Variants in RTTN observed in about 807,000 individuals in gnomAD.
RTTN encodes rotatin.
In RTTN, 182 loss-of-function variants were observed where a neutral mutation model predicts 269.2. The observed-to-expected ratio is 0.68, with a 90% CI of 0.60 to 0.76. The LOEUF is 0.76. Among genes scored for constraint, RTTN ranks in the 30% least tolerant of loss-of-function variants. The pLI, the probability that RTTN is intolerant of heterozygous loss-of-function variation, is 0.00. For missense variants in RTTN, 2,545 were observed against 2,608.6 expected (o/e 0.98, Z 0.53); for synonymous variants, 1,006 against 963.5 (o/e 1.04, Z -0.82).
Position 70,013,126 on chromosome 18 carries a change from G to C in RTTN, c.6421+4281C>G, listed in dbSNP as rs143155638. Among the ~76,000 whole-genome samples the C allele has an allele frequency of 2.8e-3, 433 of 152,156 alleles. 2 individuals are homozygous for C. The highest frequency in any genetic ancestry group is 1.0e-2 in the African/African-American group (415 of 41,520). ...TGTATCATAACCTACCCAGAACCAA[G>C]CCATGTACATAGCTTGCAGATGCAA... is the stretch of plus-strand genomic sequence containing the variant. On this transcript the variant is annotated intron_variant, in intron 46 of 48. Coordinates refer to ENST00000640769, the MANE Select transcript of RTTN (RefSeq NM_173630.4).
At chr18:70,172,897 A>G (rs1015813501) in intron 11 of RTTN, among the ~76,000 whole-genome samples, 1 of 152,192 alleles carries the variant, frequency 6.6e-6, no homozygotes, top group Non-Finnish European at 1.5e-5. Context: ...AATAGCAAGC[A>G]ATTGTAGCAC....
intron 28 of RTTN, among the ~76,000 whole-genome samples, chr18:70,094,939 G>C (rs974910428): frequency 6.6e-6 from 1 of 151,906 alleles, no homozygotes; most frequent in Non-Finnish European, 1.5e-5. Flanking sequence ...GGAAATCTAA[G>C]TCTCTTTGTA....
At chr18:70,095,374 A>T (rs540858884) in intron 28 of RTTN, among the ~76,000 whole-genome samples, 1 of 152,120 alleles carries the variant, frequency 6.6e-6, no homozygotes, top group Admixed American at 6.5e-5. Context: ...CCATTAGTTG[A>T]CGCAGTTTCT....
Position 70,135,246 on chromosome 18 carries a change from C to G in RTTN, c.2823G>C (p.Val941=). 1 of 1,544,722 alleles carries G rather than the reference C, an allele frequency of 6.5e-7. No individual in the cohort carries two copies. Among genetic ancestry groups the G allele is most frequent in the South Asian group, 1.2e-5 (1 of 82,028 alleles). The change falls in exon 22 of 49, where the codon GTG becomes GTC. Residue 941 remains valine, a synonymous_variant. Transcript: ENST00000640769. ...GACAAAATAGTGCTCCAACTTCAGT[C>G]ACGACACTACAATCTTCATGAAATA... ...SLIFHEDCSV[V]TEVGALFCLL...
chr18:70,099,939 T>C (rs1343089129), intron 28 of RTTN, among the ~76,000 whole-genome samples: 2 of 152,250 alleles, frequency 1.3e-5, no homozygotes, highest in Non-Finnish European at 2.9e-5. Flanking sequence ...CATTGGTCTA[T>C]ATCTCTGTTT....
intron 28 of RTTN, among the ~76,000 whole-genome samples, chr18:70,093,479 A>G (rs887359716): frequency 6.6e-6 from 1 of 152,174 alleles, no homozygotes; most frequent in African/African-American, 2.4e-5. Context: ...ATGTCTCATC[A>G]ATACCTAGTT....
At position 70,193,454 on chromosome 18, in the gene RTTN, C is replaced by A; in HGVS notation, c.842-1G>T. ...AAAGAAGAATTTTGGGAAACTGTGT[C>A]TGGGGAAACAAAGAAAAAATAAAAT... On this transcript the variant is annotated splice_acceptor_variant, in intron 7 of 48. Coordinates refer to ENST00000640769, the MANE Select transcript of RTTN (RefSeq NM_173630.4). LOFTEE classifies it high-confidence loss of function. 1.3e-6 allele frequency: 2 copies of A among 1,497,968 alleles called. No homozygotes were observed. Among genetic ancestry groups the A allele is most frequent in the Non-Finnish European group, 8.9e-7 (1 of 1,123,026 alleles). 92.8% of individuals were successfully genotyped at this position (1,497,968 alleles called of 1,614,324 possible).
chr18:70,150,044 C>T lies in RTTN; in HGVS notation c.2099G>A (p.Gly700Glu), dbSNP rs1599782962. The T allele has an allele frequency of 1.2e-6, 2 of 1,613,414 alleles. No homozygotes were observed. The highest frequency in any genetic ancestry group is 4.5e-5 in the East Asian group (2 of 44,858). Reference protein sequence around the residue: ...AKAILLYLLQGRLMMTALTWN... With the variant: ...AKAILLYLLQERLMMTALTWN... ...GGTCAATGCTGTCATCATCAATCGT[C>T]CCTGAAGCAGGTATAACAGAATGGC... The change falls in exon 16 of 49, where the codon GGA (glycine) becomes GAA (glutamate). Residue 700 changes from glycine (G) to glutamate (E), a missense_variant. Physicochemically the swap from Gly to Glu is moderately conservative, Grantham distance 98. Coordinates refer to ENST00000640769, the MANE Select transcript of RTTN (RefSeq NM_173630.4).
intron 6 of RTTN, among the ~76,000 whole-genome samples, chr18:70,196,935 C>G (rs1313536699): frequency 6.6e-6 from 1 of 152,128 alleles, no homozygotes; most frequent in Non-Finnish European, 1.5e-5. Flanking sequence ...GAAATTATTC[C>G]CCACTCAGGA....
chr18:70,029,966 G>C, intron 42 of RTTN, 46 bp downstream of exon 42: 1 of 1,361,288 alleles, frequency 7.3e-7, no homozygotes, highest in Non-Finnish European at 1.0e-6. Context: ...AAGAGGACTG[G>C]AGAATGGTCT....
At chr18:70,058,029 A>G (rs1347550166) in intron 36 of RTTN, among the ~76,000 whole-genome samples, 197 bp from the exon 37 acceptor site, 3 of 152,250 alleles carry the variant, frequency 2.0e-5, no homozygotes, top group Non-Finnish European at 2.9e-5. Flanking sequence ...AAACAGGAAA[A>G]TATCTTGTCA....
chr18:70,047,084 A>G (rs1409350115), intron 40 of RTTN, among the ~76,000 whole-genome samples: 2 of 152,226 alleles, frequency 1.3e-5, no homozygotes, highest in Non-Finnish European at 2.9e-5. Flanking sequence ...AAGGGACTAT[A>G]ACAAATCAGC....
chr18:70,097,367 T>C (rs1377626205), intron 28 of RTTN, among the ~76,000 whole-genome samples: 1 of 152,232 alleles, frequency 6.6e-6, no homozygotes, highest in Non-Finnish European at 1.5e-5. Flanking sequence ...GTTTCAATGT[T>C]CTCTCACATA....
intron 40 of RTTN, among the ~76,000 whole-genome samples, chr18:70,038,315 G>A (rs2057237585): frequency 1.3e-5 from 2 of 152,184 alleles, no homozygotes; most frequent in African/African-American, 4.8e-5. Flanking sequence ...ACCCAGTGTT[G>A]TGTTGACATC....
intron 18 of RTTN, among the ~76,000 whole-genome samples, chr18:70,143,247 T>A (rs2060304831): frequency 6.6e-6 from 1 of 152,148 alleles, no homozygotes; most frequent in Admixed American, 6.5e-5. Flanking sequence ...TCCTTATAGA[T>A]GTTGGATACT....
chr18:70,198,681 T>C (rs1468295984), intron 5 of RTTN, among the ~76,000 whole-genome samples: 1 of 152,214 alleles, frequency 6.6e-6, no homozygotes, highest in Non-Finnish European at 1.5e-5. Context: ...AGTCATTACA[T>C]TAGATTGGAT....
intron 35 of RTTN, among the ~76,000 whole-genome samples, chr18:70,065,041 T>C (rs1159843455): frequency 6.6e-6 from 1 of 152,038 alleles, no homozygotes; most frequent in Non-Finnish European, 1.5e-5. Context: ...TGAACATGAA[T>C]TACTAAAAAC....
At chr18:70,202,723 G>T (rs2061983536) in intron 3 of RTTN, among the ~76,000 whole-genome samples, 1 of 152,200 alleles carries the variant, frequency 6.6e-6, no homozygotes, top group South Asian at 2.1e-4. Flanking sequence ...AGAAAACTTG[G>T]TACTGTGGGG....
chr18:70,061,491 CGT>C (rs946132533), intron 35 of RTTN: 14 of 452,906 alleles, frequency 3.1e-5, no homozygotes, highest in African/African-American at 2.8e-4. Flanking sequence ...AGCTAGAAAA[CGT>C]GTGTGTATAT....
Sources: allele counts gnomAD v4.1 joint callset (sites outside exome capture counted in the v4.1 genomes callset), GRCh38; gene constraint gnomAD v4.1.1; transcripts MANE v1.5; gene names NCBI Gene and HGNC (gene_info 2026-07-23, HGNC 2026-07-21).